Variants in THEMIS observed in about 807,000 individuals in gnomAD.
THEMIS encodes protein THEMIS.
THEMIS carries 37 observed loss-of-function variants against 52.6 expected under a neutral mutation model. The ratio of observed to expected loss-of-function variants is 0.70; its 90% CI spans 0.54 to 0.93. THEMIS has a LOEUF of 0.93. Ranked by LOEUF, THEMIS falls within the 40% of genes least tolerant of loss-of-function variation. The pLI, the probability that THEMIS is intolerant of heterozygous loss-of-function variation, is 0.00. For synonymous variants in THEMIS, 292 were observed against 272.7 expected, an observed-to-expected ratio of 1.07 and a Z score of -0.70; for missense variants, 808 against 763.1, an observed-to-expected ratio of 1.06 and a Z score of -0.69.
At chr6:127,880,752 A>G (rs1482745443) in intron 1 of THEMIS, among the ~76,000 whole-genome samples, 4 of 152,116 alleles carry the variant, frequency 2.6e-5, no homozygotes, top group Non-Finnish European at 5.9e-5. Flanking sequence ...AGAAAATCAG[A>G]CAGCTAATCT....
intron 4 of THEMIS, among the ~76,000 whole-genome samples, chr6:127,786,374 C>G (rs753582833): frequency 2.0e-5 from 3 of 152,086 alleles, no homozygotes; most frequent in Non-Finnish European, 4.4e-5. Context: ...GAAATAGAAT[C>G]TGTAAAACTT....
intron 4 of THEMIS, among the ~76,000 whole-genome samples, chr6:127,775,122 T>C (rs775991840): frequency 1.3e-5 from 2 of 152,148 alleles, no homozygotes; most frequent in Non-Finnish European, 2.9e-5. Flanking sequence ...CCATATATGT[T>C]CCCTGGGGTG....
At chr6:127,828,157 C>A (rs1267922825) in intron 3 of THEMIS, among the ~76,000 whole-genome samples, 7 of 152,124 alleles carry the variant, frequency 4.6e-5, no homozygotes, top group African/African-American at 9.7e-5. Flanking sequence ...ATGTTGTAAC[C>A]ACTTTATCCA....
intron 4 of THEMIS, among the ~76,000 whole-genome samples, chr6:127,746,917 A>G (rs865994674): frequency 3.7e-5 from 2 of 53,666 alleles, no homozygotes; most frequent in African/African-American, 8.0e-5. Context: ...ATATATAATT[A>G]TATATAGATA....
At chr6:127,833,578 G>T (rs1778772717) in intron 2 of THEMIS, among the ~76,000 whole-genome samples, 1 of 152,146 alleles carries the variant, frequency 6.6e-6, no homozygotes, top group Non-Finnish European at 1.5e-5. Context: ...TTGCTCATGA[G>T]AATAACATGT....
intron 2 of THEMIS, among the ~76,000 whole-genome samples, chr6:127,839,129 A>G (rs1471425638): frequency 6.6e-6 from 1 of 152,118 alleles, no homozygotes; most frequent in Non-Finnish European, 1.5e-5. Context: ...AATTATGATT[A>G]TAATATGGAA....
intron 3 of THEMIS, among the ~76,000 whole-genome samples, chr6:127,821,025 A>G (rs1362560892): frequency 2.0e-5 from 3 of 152,002 alleles, no homozygotes; most frequent in African/African-American, 7.2e-5. Flanking sequence ...CTTATAAAAC[A>G]AAAAGTTGCA....
chr6:127,829,467 G>C lies in THEMIS; in HGVS notation c.709+9C>G, dbSNP rs369702330. 4.0e-5 allele frequency: 64 copies of C among 1,583,186 alleles called. No individual in the cohort carries two copies. The highest frequency in any genetic ancestry group is 5.1e-5 in the Non-Finnish European group (59 of 1,165,948). On this transcript the variant is annotated intron_variant, in intron 3 of 5. Transcript: ENST00000368248. Reference sequence around the variant, plus strand: ...TGCTCATAGAACATCATTCTCAGTGGATACTCACATTTCATCACACCTTGA... The same window carrying C: ...TGCTCATAGAACATCATTCTCAGTGCATACTCACATTTCATCACACCTTGA...
chr6:127,809,006 T>C (rs1252063982), intron 4 of THEMIS, among the ~76,000 whole-genome samples: 1 of 152,212 alleles, frequency 6.6e-6, no homozygotes, highest in Non-Finnish European at 1.5e-5. Context: ...TGTCTGTTAC[T>C]TAATGCAAGA....
At chr6:127,788,829 T>C (rs933008914) in intron 4 of THEMIS, among the ~76,000 whole-genome samples, 2 of 152,110 alleles carry the variant, frequency 1.3e-5, no homozygotes, top group Non-Finnish European at 2.9e-5. Flanking sequence ...GAACTTTATT[T>C]ACCTTAATAT....
At chr6:127,851,203 CAG>C (rs897608502) in intron 2 of THEMIS, among the ~76,000 whole-genome samples, 1 of 150,552 alleles carries the variant, frequency 6.6e-6, no homozygotes, top group African/African-American at 2.4e-5. Flanking sequence ...AAAAGGAGAG[CAG>C]AGAGAGAGAG....
At position 127,813,649 on chromosome 6, in the gene THEMIS, TGTCTTTTAGG is replaced by T. The variant is rs745714912; in HGVS notation, c.982_991del (p.Pro328ThrfsTer3). On this transcript the variant is annotated frameshift_variant, in exon 4 of 6. Coordinates refer to ENST00000368248, the MANE Select transcript of THEMIS (RefSeq NM_001010923.3). LOFTEE classifies it high-confidence loss of function. ...TTTATAGCTAGTGGGGATCAAGAAGTGTCTTTTAGGAAAATTGCTTCTAATTTCTGAAGCT... is the reference window on the plus strand; with the variant it reads ...TTTATAGCTAGTGGGGATCAAGAAGTAAAATTGCTTCTAATTTCTGAAGCT... 1.2e-6 allele frequency: 2 copies of T among 1,614,110 alleles called. No individual in the cohort carries two copies. The highest frequency in any genetic ancestry group is 1.7e-6 in the Non-Finnish European group (2 of 1,179,992).
At chr6:127,909,911 T>C (rs547112087) in intron 1 of THEMIS, 1 of 152,258 alleles carries the variant, frequency 6.6e-6, no homozygotes, top group South Asian at 2.1e-4. Flanking sequence ...TTTTACAAAC[T>C]AAGATAATGA....
chr6:127,872,227 A>G (rs1239314031), intron 1 of THEMIS, among the ~76,000 whole-genome samples: 1 of 152,220 alleles, frequency 6.6e-6, no homozygotes, highest in Non-Finnish European at 1.5e-5. Flanking sequence ...TGATCATTTC[A>G]GTTGATGCAG....
intron 1 of THEMIS, among the ~76,000 whole-genome samples, chr6:127,874,863 G>C (rs1170357893): frequency 6.6e-6 from 1 of 152,228 alleles, no homozygotes; most frequent in Non-Finnish European, 1.5e-5. Context: ...GAGGGAAGTT[G>C]AGTAAAGCAG....
chr6:127,900,563 G>C (rs916102743), intron 1 of THEMIS, among the ~76,000 whole-genome samples: 3 of 151,948 alleles, frequency 2.0e-5, no homozygotes, highest in African/African-American at 7.2e-5. Flanking sequence ...CAATTTCAAA[G>C]CAAAGGCAGA....
At chr6:127,721,948 T>C (rs2114491503) in intron 4 of THEMIS, among the ~76,000 whole-genome samples, 1 of 152,152 alleles carries the variant, frequency 6.6e-6, no homozygotes, top group African/African-American at 2.4e-5. Context: ...GTTGTGTATA[T>C]TCTAATATAT....
At position 127,896,712 on chromosome 6, in the gene THEMIS, C is replaced by T. The variant is rs373811513; in HGVS notation, c.91+4130G>A. On this transcript the variant is annotated intron_variant, in intron 1 of 5. Transcript: ENST00000368248. ...CTAAAGCAGTAGTTATCAAATTTGG[C>T]TGTGTGTTATAATCATCAGGAAGAT... Among the ~76,000 whole-genome samples the T allele has an allele frequency of 9.2e-5, 14 of 151,580 alleles. 1 individual carries two copies. Among genetic ancestry groups the T allele is most frequent in the Admixed American group, 7.2e-4 (11 of 15,198 alleles).
At chr6:127,788,877 G>A (rs1475786014) in intron 4 of THEMIS, among the ~76,000 whole-genome samples, 3 of 152,132 alleles carry the variant, frequency 2.0e-5, no homozygotes, top group African/African-American at 7.2e-5. Flanking sequence ...CACAGCTAAA[G>A]TAGTGTTTAG....
Sources: gnomAD v4.1 joint callset for allele counts (sites outside exome capture counted in the v4.1 genomes callset) on GRCh38, gnomAD v4.1.1 for gene constraint, MANE v1.5 for transcripts, NCBI Gene and HGNC (gene_info 2026-07-23, HGNC 2026-07-21) for gene names.